ZSCAN30: variants seen among roughly 807,000 people sequenced by gnomAD.
ZSCAN30 encodes the protein zinc finger and SCAN domain containing 30.
Under a neutral mutation model 44.3 loss-of-function variants are expected in ZSCAN30, and 37 were observed. The observed-to-expected ratio is 0.84, with a 90% CI of 0.64 to 1.10. The LOEUF (loss-of-function observed/expected upper bound fraction) is 1.10. Ranked by LOEUF, ZSCAN30 falls within the 50% of genes least tolerant of loss-of-function variation. The pLI is 0.00. For synonymous variants in ZSCAN30, 181 were observed against 204.6 expected (o/e 0.88, Z 0.98); for missense variants, 549 against 582.6 (o/e 0.94, Z 0.59).
intron 1 of ZSCAN30, among the ~76,000 whole-genome samples, chr18:35,270,942 G>A (rs1407731529): frequency 1.3e-5 from 2 of 152,186 alleles, no homozygotes; most frequent in African/African-American, 4.8e-5. Flanking sequence ...TGCAGTGAGT[G>A]TTAACAACTC....
rs1790611991 is a variant in ZSCAN30, at chr18:35,251,109, TAATA to T, written c.*2337_*2340del. Reference sequence around the variant, plus strand: ...CAATACATCTTGCATTACATTCTAATAATAAACGGTTGAAGTATAAATTTTGAAA... The same window carrying T: ...CAATACATCTTGCATTACATTCTAATAACGGTTGAAGTATAAATTTTGAAA... On this transcript the variant is annotated 3_prime_UTR_variant, in exon 4 of 4. Transcript: ENST00000333206. 1 of 152,198 alleles carries T rather than the reference TAATA, an allele frequency of 6.6e-6. No individual in the cohort carries two copies. Among genetic ancestry groups the T allele is most frequent in the African/African-American group, 2.4e-5 (1 of 41,442 alleles). The allele number at this position is 152,198 out of a possible 1,614,324, so 9.4% of individuals were successfully genotyped here.
intron 3 of ZSCAN30, chr18:35,263,203 C>T: frequency 2.8e-6 from 1 of 355,178 alleles, no homozygotes; most frequent in Non-Finnish European, 5.3e-6. Context: ...GTGGTTGCAC[C>T]ACTGCACTCC....
At chr18:35,280,417 C>G (rs2044436583) in intron 1 of ZSCAN30, among the ~76,000 whole-genome samples, 1 of 152,108 alleles carries the variant, frequency 6.6e-6, no homozygotes, top group Non-Finnish European at 1.5e-5. Context: ...CATACACACA[C>G]ACACACAAAA....
rs1190067586 is a variant in ZSCAN30, at chr18:35,252,966, T to A, written c.*484A>T. ...ACTGCCTCAGATATTATTAAACTAATAGCATAATTCAATATTTTCACAACC... is the reference window on the plus strand; with the variant it reads ...ACTGCCTCAGATATTATTAAACTAAAAGCATAATTCAATATTTTCACAACC... On this transcript the variant is annotated 3_prime_UTR_variant, in exon 4 of 4. Coordinates refer to ENST00000333206, the MANE Select transcript of ZSCAN30 (RefSeq NM_001112734.4). The A allele has an allele frequency of 6.5e-6, 1 of 154,200 alleles. No individual in the cohort carries two copies. The highest frequency in any genetic ancestry group is 2.4e-5 in the African/African-American group (1 of 41,464). 9.6% of individuals were successfully genotyped at this position (154,200 alleles called of 1,614,324 possible).
rs2043592279 is a variant in ZSCAN30 at position 35,251,481 on chromosome 18, T to G, written c.*1969A>C. On this transcript the variant is annotated 3_prime_UTR_variant, in exon 4 of 4. Transcript: ENST00000333206. The stretch of plus-strand genomic sequence containing the variant: ...AAAGAGGCCGAATTGTCCCCCCAAT[T>G]TCACCTCCCCTATTACCCACAACAG... 6.6e-6 allele frequency: 1 copy of G among 152,162 alleles called. No individual in the cohort carries two copies. The highest frequency in any genetic ancestry group is 2.1e-4 in the South Asian group (1 of 4,826). 9.4% of individuals were successfully genotyped at this position (152,162 alleles called of 1,614,324 possible). A position where few individuals can be genotyped will look rare whatever the true frequency, so the allele number is the denominator to read the frequency against.
chr18:35,258,075 T>TA (rs1289904960), intron 3 of ZSCAN30: 28 of 757,306 alleles, frequency 3.7e-5, no homozygotes, highest in Admixed American at 1.2e-4. Flanking sequence ...TGGTGACTCT[T>TA]ACAATCATAT....
At chr18:35,289,842 AC>A in intron 1 of ZSCAN30, 1 of 152,224 alleles carries the variant, frequency 6.6e-6, no homozygotes, top group East Asian at 1.9e-4. Flanking sequence ...CTGGGCTGCC[AC>A]CGCCCCCTCC....
intron 3 of ZSCAN30, chr18:35,258,447 A>C (rs1198490762): frequency 6.3e-6 from 1 of 157,976 alleles, no homozygotes; most frequent in African/African-American, 2.4e-5. Context: ...TCATTAGAGT[A>C]TTTTATTTTG....
chr18:35,254,573 A>C, intron 3 of ZSCAN30, 192 bp from the exon 4 acceptor site: 1 of 938,244 alleles, frequency 1.1e-6, no homozygotes, highest in East Asian at 2.7e-5. Context: ...AGAGTAAGGT[A>C]GACAAAGAAA....
intron 1 of ZSCAN30, chr18:35,282,313 A>T (rs1479178326): frequency 2.0e-5 from 3 of 152,238 alleles, no homozygotes; most frequent in Admixed American, 1.3e-4. Context: ...GGAAATGGTT[A>T]GCATGTTAAT....
At chr18:35,288,179 G>A (rs1245793419) in intron 1 of ZSCAN30, among the ~76,000 whole-genome samples, 1 of 152,174 alleles carries the variant, frequency 6.6e-6, no homozygotes, top group African/African-American at 2.4e-5. Flanking sequence ...TGGCCACAAA[G>A]CATATATTTG....
At chr18:35,254,675 A>G in intron 3 of ZSCAN30, 1 of 473,172 alleles carries the variant, frequency 2.1e-6, no homozygotes, top group South Asian at 2.4e-5. Flanking sequence ...ATAAACCAGG[A>G]AGCTAGGAGA....
intron 3 of ZSCAN30, chr18:35,259,548 T>A (rs937080795): frequency 6.5e-6 from 1 of 153,428 alleles, no homozygotes; most frequent in African/African-American, 2.4e-5. Context: ...CCTAATCTCC[T>A]CTTCTTTTAA....
intron 1 of ZSCAN30, among the ~76,000 whole-genome samples, chr18:35,271,575 G>C (rs184751516): frequency 2.0e-5 from 3 of 152,254 alleles, no homozygotes; most frequent in Non-Finnish European, 4.4e-5. Flanking sequence ...TGACTCAGGA[G>C]CCCAGCTGGC....
chr18:35,254,319 A>C lies in ZSCAN30; in HGVS notation c.616T>G (p.Ser206Ala), dbSNP rs144391031. 22 of 1,613,898 alleles carry C rather than the reference A, an allele frequency of 1.4e-5. No homozygotes were observed. The African/African-American group carries it at 2.8e-4, about 21-fold the overall frequency. ...TTTCCCGGCGATATCATAGCTGCTG[A>C]GGCTACACATTCAACAATTTCTTGC... ...AKQEIVECVA[S>A]AAMISPGKLP... Residue 206 changes from serine to alanine, a missense_variant, in exon 4 of 4, where the codon TCA becomes GCA. Physicochemically the swap from Ser to Ala is moderately conservative, Grantham distance 99 (BLOSUM62 1). Coordinates refer to ENST00000333206, the MANE Select transcript of ZSCAN30 (RefSeq NM_001112734.4).
intron 1 of ZSCAN30, chr18:35,283,620 C>T (rs1356553762): frequency 1.3e-5 from 2 of 152,472 alleles, no homozygotes; most frequent in Non-Finnish European, 2.9e-5. Flanking sequence ...GGGTGGGCAG[C>T]TCCAGGTGCC....
At chr18:35,260,660 T>C (rs1251668842) in intron 3 of ZSCAN30, 1 of 152,224 alleles carries the variant, frequency 6.6e-6, no homozygotes, top group Non-Finnish European at 1.5e-5. Flanking sequence ...AAATGTCTTC[T>C]TTTGAGGTCT....
intron 1 of ZSCAN30, chr18:35,269,916 A>T (rs1164964910): frequency 6.6e-6 from 1 of 152,148 alleles, no homozygotes; most frequent in Non-Finnish European, 1.5e-5. Flanking sequence ...GAACATACTC[A>T]ATTTGTTCAT....
intron 1 of ZSCAN30, among the ~76,000 whole-genome samples, chr18:35,266,074 C>T (rs1186592504): frequency 3.9e-5 from 6 of 152,170 alleles, no homozygotes; most frequent in Non-Finnish European, 2.9e-5. Flanking sequence ...TCACTTCTGA[C>T]TACGGCTCAA....
Sources: allele counts gnomAD v4.1 joint callset (sites outside exome capture counted in the v4.1 genomes callset), GRCh38; gene constraint gnomAD v4.1.1; transcripts MANE v1.5; gene names NCBI Gene and HGNC (gene_info 2026-07-23, HGNC 2026-07-21).